Variants in SLK observed in about 807,000 individuals in gnomAD.
SLK encodes STE20 like kinase.
SLK carries 67 observed loss-of-function variants against 147.7 expected under a neutral mutation model. The ratio of observed to expected loss-of-function variants is 0.45; its 90% confidence interval spans 0.37 to 0.56. The LOEUF is 0.56. Among genes scored for constraint, SLK ranks in the 20% least tolerant of loss-of-function variants. SLK has a pLI of 0.00. For synonymous variants in SLK, 441 were observed against 475.0 expected (o/e 0.93, Z 0.93); for missense variants, 1,136 against 1,438.8 (o/e 0.79, Z 3.41).
intron 18 of SLK, among the ~76,000 whole-genome samples, chr10:104,022,886 G>A (rs1380706361): frequency 6.6e-6 from 1 of 152,166 alleles, no homozygotes; most frequent in Admixed American, 6.5e-5. Flanking sequence ...GGGATTATAG[G>A]CGTGAGCCAC....
chr10:104,017,381 A>G (rs1011936403), intron 13 of SLK, among the ~76,000 whole-genome samples: 9 of 152,174 alleles, frequency 5.9e-5, no homozygotes, highest in African/African-American at 4.8e-5. Flanking sequence ...TTCTGTTAGG[A>G]TAGCCATGAT....
rs775439778 is a variant in SLK at position 104,002,392 on chromosome 10, A to G, written c.1214A>G (p.Gln405Arg). ...EDINEHITDA[Q>R]LEAMTELHDR... ...ATTAATGAACATATTACCGATGCTC[A>G]GTTAGAAGCAATGACTGAACTCCAT... The change falls in exon 9 of 19, where the codon CAG becomes CGG. Residue 405 changes from glutamine to arginine, a missense_variant. Around this residue, in one of 6 missense-constraint regions of SLK, gnomAD observed 516 missense variants for 531.3 expected, o/e 0.97. Transcript: ENST00000369755. 1.1e-5 allele frequency: 17 copies of G among 1,613,918 alleles called. 1 individual carries two copies. In the South Asian group the frequency reaches 1.9e-4, roughly 18 times the overall value.
At chr10:104,016,030 C>T (rs1844458148) in intron 13 of SLK, among the ~76,000 whole-genome samples, 1 of 152,008 alleles carries the variant, frequency 6.6e-6, no homozygotes, top group South Asian at 2.1e-4. Context: ...AGAAATTTTA[C>T]AGTTGAGGCT....
chr10:103,967,938 A>G (rs1328266033), intron 1 of SLK, 43 bp downstream of exon 1: 4 of 1,605,200 alleles, frequency 2.5e-6, no homozygotes, highest in Non-Finnish European at 2.6e-6. Flanking sequence ...AAGGTAAAAC[A>G]GCCACTGGCC....
At position 103,999,196 on chromosome 10, in the gene SLK, G is replaced by A. The variant is rs1471617232; in HGVS notation, c.665G>A (p.Gly222Asp). Residue 222 changes from glycine (G) to aspartate (D), a missense_variant, in exon 6 of 19, where the codon GGT (glycine) becomes GAT (aspartate). Physicochemically the swap from Gly to Asp is moderately conservative, Grantham distance 94. Around this residue, in one of 6 missense-constraint regions of SLK, gnomAD observed 141 missense variants for 219.3 expected, o/e 0.64. Coordinates refer to ENST00000369755, the MANE Select transcript of SLK (RefSeq NM_014720.4). ...YDYKADVWSL[G>D]ITLIEMAEIE... ...TACAAAGCTGATGTTTGGTCCCTGGGTATCACTTTAATAGAAATGGCTGAG... is the reference window on the plus strand; with the variant it reads ...TACAAAGCTGATGTTTGGTCCCTGGATATCACTTTAATAGAAATGGCTGAG... 3 of 1,613,554 alleles carry A rather than the reference G, an allele frequency of 1.9e-6. No individual in the cohort carries two copies. The highest frequency in any genetic ancestry group is 1.1e-5 in the South Asian group (1 of 91,068).
In SLK at chr10:104,014,411, TTTTG is replaced by T. The variant is rs1453640492; in HGVS notation, c.2877+3509_2877+3512del. Among the ~76,000 whole-genome samples the T allele has an allele frequency of 2.0e-5, 3 of 152,332 alleles. No homozygotes were observed. In the East Asian group the frequency reaches 5.8e-4, roughly 29 times the overall value. On this transcript the variant is annotated intron_variant, in intron 13 of 18. Coordinates refer to ENST00000369755, the MANE Select transcript of SLK (RefSeq NM_014720.4). ...TAACTAGCTCATTTAACACTGTAAT[TTTTG>T]TTTGTGACGTCTGATATATACAACA...
intron 1 of SLK, among the ~76,000 whole-genome samples, chr10:103,987,730 A>G (rs1844036772): frequency 6.6e-6 from 1 of 152,234 alleles, no homozygotes; most frequent in African/African-American, 2.4e-5. Context: ...AAATGATCCT[A>G]GTATCTACTA....
rs1396044350 is a variant in SLK, at chr10:104,018,827, A to G, written c.3051A>G (p.Gln1017=). The change falls in exon 15 of 19, where the codon CAA becomes CAG. Residue 1017 remains glutamine (Q), a synonymous_variant. Transcript: ENST00000369755. ...GGGAGCTCGAAGAACGACACTTACA[A>G]GAAAAACACCAGCTGCTCAAACAGC... ...AIWELEERHL[Q]EKHQLLKQQL... 2 of 1,613,428 alleles carry G rather than the reference A, an allele frequency of 1.2e-6. No individual in the cohort carries two copies. The highest frequency in any genetic ancestry group is 1.7e-6 in the Non-Finnish European group (2 of 1,179,818).
chr10:104,009,780 A>G (rs1844375554), intron 12 of SLK, among the ~76,000 whole-genome samples: 1 of 143,986 alleles, frequency 6.9e-6, no homozygotes, highest in African/African-American at 2.7e-5. Flanking sequence ...TAATTACATT[A>G]TGTATTTTTT....
intron 7 of SLK, 61 bp downstream of exon 7, chr10:104,000,009 A>C (rs2134491788): frequency 1.4e-6 from 1 of 737,486 alleles, no homozygotes; most frequent in East Asian, 2.8e-5. Flanking sequence ...ATGTAATTTC[A>C]TATTCAGTGT....
chr10:104,005,983 A>G lies in SLK; in HGVS notation c.2552A>G (p.Lys851Arg). 1 of 1,613,120 alleles carries G rather than the reference A, an allele frequency of 6.2e-7. No homozygotes were observed. Among genetic ancestry groups the G allele is most frequent in the Non-Finnish European group, 8.5e-7 (1 of 1,179,738 alleles). Residue 851 changes from lysine to arginine, a missense_variant, in exon 11 of 19, where the codon AAA becomes AGA. Coordinates refer to ENST00000369755, the MANE Select transcript of SLK (RefSeq NM_014720.4). ...EQRAQQQLNS[K>R]LQQQREQIFR... is the part of the protein sequence containing the mutation. ...AGAGCCCAACAACAGCTCAATAGCA[A>G]ACTACAGCAACAACGAGAACAAATT...
rs988664186 is a variant in SLK, at chr10:104,028,739, T to C, written c.*3019T>C. 6.6e-6 allele frequency: 1 copy of C among 152,190 alleles called. No homozygotes were observed. The highest frequency in any genetic ancestry group is 2.4e-5 in the African/African-American group (1 of 41,436). The allele number at this position is 152,190 out of a possible 1,614,324, so 9.4% of individuals were successfully genotyped here. A position where few individuals can be genotyped will look rare whatever the true frequency, so the allele number is the denominator to read the frequency against. On this transcript the variant is annotated 3_prime_UTR_variant, in exon 19 of 19. Transcript: ENST00000369755. Reference sequence around the variant, plus strand: ...AGTTTCCTTGTAACTATACACTTTTTCCCATTCCACACTGTGCTTAAATGA... The same window carrying C: ...AGTTTCCTTGTAACTATACACTTTTCCCCATTCCACACTGTGCTTAAATGA...
At chr10:103,972,354 T>A (rs1455586352) in intron 1 of SLK, among the ~76,000 whole-genome samples, 1 of 152,144 alleles carries the variant, frequency 6.6e-6, no homozygotes, top group African/African-American at 2.4e-5. Flanking sequence ...TTATACAAGT[T>A]TACATTCCCA....
rs544458791 is a variant in SLK at position 104,003,121 on chromosome 10, C to T, written c.1943C>T (p.Thr648Ile). Residue 648 changes from threonine to isoleucine, a missense_variant, in exon 9 of 19, where the codon ACT becomes ATT. Physicochemically the swap from Thr to Ile is moderately conservative, Grantham distance 89 (BLOSUM62 -1). Transcript: ENST00000369755. ...EGEEITESSS[T>I]EEMEVRSVVA... Reference sequence around the variant, plus strand: ...GAAGAAATCACTGAGTCAAGTAGCACTGAAGAAATGGAGGTCAGAAGTGTG... The same window carrying T: ...GAAGAAATCACTGAGTCAAGTAGCATTGAAGAAATGGAGGTCAGAAGTGTG... 5.6e-6 allele frequency: 9 copies of T among 1,614,114 alleles called. No homozygotes were observed. Among genetic ancestry groups the T allele is most frequent in the Non-Finnish European group, 7.6e-6 (9 of 1,180,020 alleles).
chr10:103,991,669 ATAATG>A (rs2134471759), intron 2 of SLK, among the ~76,000 whole-genome samples: 1 of 152,214 alleles, frequency 6.6e-6, no homozygotes, highest in Non-Finnish European at 1.5e-5. Context: ...TATTTTCTGA[ATAATG>A]TAATGAATTT....
chr10:104,002,491 A>G lies in SLK; in HGVS notation c.1313A>G (p.Asp438Gly), dbSNP rs201945425. The stretch of plus-strand genomic sequence containing the variant: ...CTTGAAAATCTGCCTGACACAGAAG[A>G]CCAAGAAACTGTGGACATTAATTCA... ...PKLENLPDTE[D>G]QETVDINSVS... Residue 438 changes from aspartate to glycine, a missense_variant, in exon 9 of 19, where the codon GAC becomes GGC. Physicochemically the swap from Asp to Gly is moderately conservative, Grantham distance 94 (BLOSUM62 -1). This residue lies in a region of SLK where 516 missense variants were observed against 531.3 expected (regional missense o/e 0.97). Coordinates refer to ENST00000369755, the MANE Select transcript of SLK (RefSeq NM_014720.4). 6.2e-7 allele frequency: 1 copy of G among 1,613,478 alleles called. No homozygotes were observed. The highest frequency in any genetic ancestry group is 1.3e-5 in the African/African-American group (1 of 74,906).
chr10:103,999,188 G>A lies in SLK; in HGVS notation c.657G>A (p.Trp219Ter), dbSNP rs750144332. The A allele has an allele frequency of 1.2e-6, 2 of 1,613,566 alleles. No individual in the cohort carries two copies. Among genetic ancestry groups the A allele is most frequent in the African/African-American group, 2.7e-5 (2 of 74,886 alleles). Residue 219 changes from tryptophan (W) to a stop codon, truncating the protein, a stop_gained, in exon 6 of 19, where the codon TGG becomes TGA. Coordinates refer to ENST00000369755, the MANE Select transcript of SLK (RefSeq NM_014720.4). LOFTEE classifies it high-confidence loss of function. ...CCTATGACTACAAAGCTGATGTTTG[G>A]TCCCTGGGTATCACTTTAATAGAAA... ...DRPYDYKADV[W>*]SLGITLIEMA...
intron 1 of SLK, chr10:103,974,946 G>C (rs1843849030): frequency 1.4e-5 from 2 of 143,766 alleles, no homozygotes; most frequent in South Asian, 4.6e-4. Context: ...TGGGATTACA[G>C]GTGTGAGCCA....
intron 15 of SLK, chr10:104,019,226 G>A (rs1336895664): frequency 9.2e-6 from 2 of 217,240 alleles, no homozygotes; most frequent in Non-Finnish European, 9.3e-6. Context: ...TGGACTCCTT[G>A]TACTTATTAA....
Sources: gnomAD v4.1 joint callset for allele counts (sites outside exome capture counted in the v4.1 genomes callset) on GRCh38, gnomAD v4.1.1 for gene constraint, gnomAD v4.1.1 regional missense constraint, MANE v1.5 for transcripts, NCBI Gene and HGNC (gene_info 2026-07-23, HGNC 2026-07-21) for gene names.